Variants in PLEKHD1 observed in about 807,000 individuals in gnomAD.
PLEKHD1 encodes pleckstrin homology domain-containing family D member 1.
Under a neutral mutation model 69.2 loss-of-function variants are expected in PLEKHD1, and 51 were observed. The ratio of observed to expected loss-of-function variants is 0.74; its 90% CI spans 0.59 to 0.93. PLEKHD1 has a LOEUF of 0.93. PLEKHD1 is among the 40% of genes least tolerant of loss of function. The pLI is 0.00. For synonymous variants in PLEKHD1, 236 were observed against 244.7 expected, an observed-to-expected ratio of 0.96 and a Z score of 0.33; for missense variants, 584 against 641.0, an observed-to-expected ratio of 0.91 and a Z score of 0.96.
Position 69,528,116 on chromosome 14 carries a change from C to T in PLEKHD1, c.1352-134C>T, listed in dbSNP as rs529225766. ...GGGTTTCTCAAAGGATATGGAAGCC[C>T]GTGTGTGTGGGAAGGGGCTGGAAGA... is the stretch of plus-strand genomic sequence containing the variant. On this transcript the variant is annotated intron_variant, in intron 12 of 12. Coordinates refer to ENST00000322564, the MANE Select transcript of PLEKHD1 (RefSeq NM_001161498.2). 8.3e-5 allele frequency: 116 copies of T among 1,400,974 alleles called. 3 individuals are homozygous for T. The Middle Eastern group carries it at 5.8e-3, about 70-fold the overall frequency. The allele number at this position is 1,400,974 out of a possible 1,614,324, so 86.8% of individuals were successfully genotyped here. A position where few individuals can be genotyped will look rare whatever the true frequency, so the allele number is the denominator to read the frequency against.
intron 4 of PLEKHD1, chr14:69,501,206 A>C: frequency 1.8e-6 from 1 of 548,922 alleles, no homozygotes; most frequent in Non-Finnish European, 3.3e-6. Context: ...GTTGTATTTG[A>C]TGCCTCCTGA....
At chr14:69,479,369 C>CAG in the PLEKHD1 span, among the ~76,000 whole-genome samples, 1 of 152,158 alleles carries the variant, frequency 6.6e-6, no homozygotes, top group Admixed American at 6.5e-5. Flanking sequence ...TGGGACCCAG[C>CAG]AGAGGGCTTT....
At position 69,529,388 on chromosome 14, in the gene PLEKHD1, A is replaced by T. The variant is rs539047173; in HGVS notation, c.*969A>T. The T allele has an allele frequency of 2.6e-5, 4 of 152,386 alleles. No individual in the cohort carries two copies. The South Asian group carries it at 8.3e-4, about 32-fold the overall frequency. 9.4% of individuals were successfully genotyped at this position (152,386 alleles called of 1,614,324 possible). A position where few individuals can be genotyped will look rare whatever the true frequency, so the allele number is the denominator to read the frequency against. The stretch of plus-strand genomic sequence containing the variant: ...AAACCCTGTCTCTACAAAAAATAAA[A>T]AAAATAAAATAAATAGCTGGGCATG... On this transcript the variant is annotated 3_prime_UTR_variant, in exon 13 of 13. Coordinates refer to ENST00000322564, the MANE Select transcript of PLEKHD1 (RefSeq NM_001161498.2).
rs761396932 is a variant in PLEKHD1, at chr14:69,525,991, C to G, written c.792C>G (p.Asn264Lys). 1.3e-6 allele frequency: 2 copies of G among 1,551,638 alleles called. No individual in the cohort carries two copies. The highest frequency in any genetic ancestry group is 2.4e-5 in the South Asian group (2 of 84,046). ...AAACCCTGGAAATGCTGGAGGAGAA[C>G]GAGAACCACCTGCAGACACTGGCCA... ...KKKTLEMLEE[N>K]ENHLQTLANQ... Residue 264 changes from asparagine (N) to lysine (K), a missense_variant, in exon 9 of 13, where the codon AAC (asparagine) becomes AAG (lysine). Asn to Lys is a moderately conservative substitution (Grantham distance 94). Coordinates refer to ENST00000322564, the MANE Select transcript of PLEKHD1 (RefSeq NM_001161498.2).
chr14:69,468,028 A>G, the PLEKHD1 span, among the ~76,000 whole-genome samples: 20 of 152,108 alleles, frequency 1.3e-4, no homozygotes, highest in African/African-American at 3.9e-4. Flanking sequence ...GTTTCGATCA[A>G]CCCCACTCCT....
intron 9 of PLEKHD1, 95 bp downstream of exon 9, chr14:69,526,217 C>G (rs970022262): frequency 2.3e-6 from 3 of 1,303,114 alleles, no homozygotes; most frequent in Non-Finnish European, 2.1e-6. Context: ...CTACTTGGCA[C>G]TGACCAAGTA....
intron 4 of PLEKHD1, 21 bp from the exon 5 acceptor site, chr14:69,501,713 C>G: frequency 6.6e-7 from 1 of 1,523,158 alleles, no homozygotes; most frequent in Non-Finnish European, 8.9e-7. Context: ...CTCCTCTGTC[C>G]CATCTGCCCT....
chr14:69,503,991 G>C (rs1304471190), intron 6 of PLEKHD1, among the ~76,000 whole-genome samples: 1 of 152,068 alleles, frequency 6.6e-6, no homozygotes, highest in African/African-American at 2.4e-5. Context: ...GAGCCAGGCT[G>C]CCTGTATTTG....
chr14:69,520,712 G>C (rs1409551526), intron 6 of PLEKHD1, among the ~76,000 whole-genome samples: 2 of 152,160 alleles, frequency 1.3e-5, no homozygotes, highest in South Asian at 2.1e-4. Flanking sequence ...CTGGGCAACA[G>C]TAAGACTCAG....
intron 1 of PLEKHD1, among the ~76,000 whole-genome samples, chr14:69,498,494 A>G (rs761083007): frequency 2.6e-5 from 4 of 152,210 alleles, no homozygotes; most frequent in Non-Finnish European, 5.9e-5. Context: ...CTGCCTCCGC[A>G]TAGCAGCTGT....
At chr14:69,496,251 CT>C (rs1453839935) in intron 1 of PLEKHD1, among the ~76,000 whole-genome samples, 1 of 152,186 alleles carries the variant, frequency 6.6e-6, no homozygotes, top group Non-Finnish European at 1.5e-5. Flanking sequence ...TGGCACAGTG[CT>C]TTTCCTTAAG....
Position 69,528,349 on chromosome 14 carries a change from G to C in PLEKHD1, c.1451G>C (p.Arg484Pro). The C allele has an allele frequency of 6.4e-7, 1 of 1,551,676 alleles. No individual in the cohort carries two copies. The highest frequency in any genetic ancestry group is 8.7e-7 in the Non-Finnish European group (1 of 1,146,990). ...AKRLSRDQRF[R>P]ESIYHIMATQ... ...CGGCTCAGCAGGGACCAGCGCTTCC[G>C]GGAATCCATCTACCACATCATGGCC... Residue 484 changes from arginine (R) to proline (P), a missense_variant, in exon 13 of 13, where the codon CGG becomes CCG. Arg to Pro is a moderately radical substitution (Grantham distance 103, BLOSUM62 -2). Transcript: ENST00000322564.
chr14:69,500,968 G>C, intron 4 of PLEKHD1, 21 bp downstream of exon 4: 1 of 1,550,814 alleles, frequency 6.4e-7, no homozygotes, highest in Non-Finnish European at 8.7e-7. Context: ...ACAGCCAGGA[G>C]GGCAGCCTGC....
intron 3 of PLEKHD1, 28 bp downstream of exon 3, chr14:69,500,694 G>T (rs1285257379): frequency 4.5e-6 from 7 of 1,547,736 alleles, no homozygotes; most frequent in Admixed American, 2.0e-5. Flanking sequence ...CTCAGCCTGG[G>T]CTCCGCAGGA....
chr14:69,505,845 C>T (rs978116323), intron 6 of PLEKHD1, among the ~76,000 whole-genome samples: 1 of 152,164 alleles, frequency 6.6e-6, no homozygotes, highest in Admixed American at 6.5e-5. Flanking sequence ...TTCCCAGAGC[C>T]GGAAGTCCAT....
At chr14:69,506,987 C>T (rs1883166824) in intron 6 of PLEKHD1, among the ~76,000 whole-genome samples, 1 of 146,822 alleles carries the variant, frequency 6.8e-6, no homozygotes, top group Admixed American at 7.0e-5. Context: ...ACTGCAACCT[C>T]TGCCTCCTGG....
At chr14:69,527,741 G>T (rs1003588049) in intron 11 of PLEKHD1, 42 bp from the exon 12 acceptor site, 36 of 1,547,148 alleles carry the variant, frequency 2.3e-5, no homozygotes, top group Non-Finnish European at 2.8e-5. Context: ...TGGGGGTAAG[G>T]ATGCAGTCGG....
chr14:69,524,487 T>C (rs1252033787), intron 8 of PLEKHD1, among the ~76,000 whole-genome samples, 165 bp downstream of exon 8: 8 of 152,138 alleles, frequency 5.3e-5, no homozygotes, highest in African/African-American at 1.7e-4. Context: ...CATTGAAAAC[T>C]CTGGCCGAGG....
chr14:69,498,106 A>ATTTATTTTATTTTATTTT (rs1491301174), intron 1 of PLEKHD1, among the ~76,000 whole-genome samples: 1 of 141,464 alleles, frequency 7.1e-6, no homozygotes, highest in African/African-American at 2.7e-5. Flanking sequence ...ATTTTATTTT[A>ATTTATTTTATTTTATTTT]GAGAGTCTTG....
Sources: gnomAD v4.1 joint callset for allele counts (sites outside exome capture counted in the v4.1 genomes callset) on GRCh38, gnomAD v4.1.1 for gene constraint, MANE v1.5 for transcripts, NCBI Gene and HGNC (gene_info 2026-07-23, HGNC 2026-07-21) for gene names.